The following AFDN variants were observed in gnomAD, a reference collection of about 807,000 sequenced individuals.
AFDN encodes afadin.
A neutral mutation model predicts 216.6 loss-of-function variants in AFDN; 68 were observed. The ratio of observed to expected loss-of-function variants is 0.31; its 90% CI spans 0.26 to 0.38. The LOEUF is 0.38. Among genes scored for constraint, AFDN ranks in the 10% least tolerant of loss-of-function variants. AFDN has a pLI of 1.00. For synonymous variants in AFDN, 868 were observed against 853.7 expected (o/e 1.02, Z -0.29); for missense variants, 2,136 against 2,342.0 (o/e 0.91, Z 1.82).
chr6:167,922,052 A>G (rs1791888554), intron 21 of AFDN, among the ~76,000 whole-genome samples: 2 of 152,182 alleles, frequency 1.3e-5, no homozygotes, highest in African/African-American at 2.4e-5. Context: ...GTCACACAGG[A>G]CGCTCTTGAT....
At chr6:167,932,796 G>T (rs956014506) in intron 23 of AFDN, 1 of 152,070 alleles carries the variant, frequency 6.6e-6, no homozygotes, top group Non-Finnish European at 1.5e-5. Flanking sequence ...CGGTGTTCTC[G>T]TGCTCACTGT....
chr6:167,827,153 C>A lies in AFDN; in HGVS notation c.21C>A (p.Asp7Glu). Residue 7 changes from aspartate (D) to glutamate (E), a missense_variant, in exon 1 of 34, where the codon GAC becomes GAA. By Grantham distance (45) the Asp-to-Glu change is conservative. Coordinates refer to ENST00000683244, the MANE Select transcript of AFDN (RefSeq NM_001386888.1). ...GGACCATGTCGGCGGGCGGCCGTGA[C>A]GAGGAGCGGCGGAAGCTGGCCGACA... MSAGGR[D>E]EERRKLADII... 1 of 1,295,712 alleles carries A rather than the reference C, an allele frequency of 7.7e-7. No individual in the cohort carries two copies. The highest frequency in any genetic ancestry group is 1.0e-6 in the Non-Finnish European group (1 of 993,368). The allele number at this position is 1,295,712 out of a possible 1,614,324, so 80.3% of individuals were successfully genotyped here.
chr6:167,957,984 C>A (rs1239364963), intron 30 of AFDN, among the ~76,000 whole-genome samples: 1 of 152,094 alleles, frequency 6.6e-6, no homozygotes, highest in African/African-American at 2.4e-5. Flanking sequence ...GGTCCCCAAA[C>A]CCACCATGGG....
intron 31 of AFDN, chr6:167,963,037 AAG>A: frequency 9.3e-7 from 1 of 1,075,654 alleles, no homozygotes; most frequent in Non-Finnish European, 1.1e-6. Flanking sequence ...GTTGATGGTA[AAG>A]AGAGCAGATG....
chr6:167,931,674 C>G (rs998320294), intron 23 of AFDN, among the ~76,000 whole-genome samples: 1 of 151,946 alleles, frequency 6.6e-6, no homozygotes, highest in African/African-American at 2.4e-5. Flanking sequence ...CGAGATAACA[C>G]TGTATAGTTG....
rs1797984889 is a variant in AFDN at position 167,970,999 on chromosome 6, GTTATT to G, written c.*1066_*1070del. 1 of 215,542 alleles carries G rather than the reference GTTATT, an allele frequency of 4.6e-6. No individual in the cohort carries two copies. The highest frequency in any genetic ancestry group is 1.9e-4 in the South Asian group (1 of 5,374). 13.4% of individuals were successfully genotyped at this position (215,542 alleles called of 1,614,324 possible). ...CAAGCTATTTTTATACTATAATAGA[GTTATT>G]TAATTTTAATTTGTTGAATTATTAG... On this transcript the variant is annotated 3_prime_UTR_variant, in exon 34 of 34. Coordinates refer to ENST00000683244, the MANE Select transcript of AFDN (RefSeq NM_001386888.1).
rs146182038 is a variant in AFDN, at chr6:167,841,703, C to T, written c.105+14466C>T. On this transcript the variant is annotated intron_variant, in intron 1 of 33. Coordinates refer to ENST00000683244, the MANE Select transcript of AFDN (RefSeq NM_001386888.1). ...TCTGTAAAGTTTCCTATTCTTTGATCATCTGTGATGTCCATAATATATCAG... is the reference window on the plus strand; with the variant it reads ...TCTGTAAAGTTTCCTATTCTTTGATTATCTGTGATGTCCATAATATATCAG... Among the ~76,000 whole-genome samples the T allele has an allele frequency of 3.9e-4, 59 of 152,244 alleles. 2 individuals carry two copies. In the East Asian group the frequency reaches 0.01, roughly 26 times the overall value.
intron 1 of AFDN, among the ~76,000 whole-genome samples, chr6:167,861,999 G>T (rs772691984): frequency 6.6e-6 from 1 of 152,208 alleles, no homozygotes; most frequent in Non-Finnish European, 1.5e-5. Context: ...GAATATTTTA[G>T]AGACTATTAG....
At chr6:167,966,539 C>T (rs1165704604) in intron 32 of AFDN, among the ~76,000 whole-genome samples, 1 of 152,216 alleles carries the variant, frequency 6.6e-6, no homozygotes, top group African/African-American at 2.4e-5. Context: ...GACAATCAGT[C>T]CTTCTCTGTT....
Position 167,918,738 on chromosome 6 carries a change from C to T in AFDN, c.2713C>T (p.Leu905Phe). Residue 905 changes from leucine to phenylalanine, a missense_variant, in exon 21 of 34, where the codon CTT becomes TTT. By Grantham distance (22) the Leu-to-Phe change is conservative (BLOSUM62 0). Transcript: ENST00000683244. The part of the protein sequence containing the change: ...APDEPFIPTD[L>F]IENVVTVAEN... The stretch of plus-strand genomic sequence containing the variant: ...TTTGCGTTTGTTTTCCAAACAGGAT[C>T]TTATAGAAAATGTAGTGACTGTGGC... 2 of 1,614,100 alleles carry T rather than the reference C, an allele frequency of 1.2e-6. No homozygotes were observed. Among genetic ancestry groups the T allele is most frequent in the Non-Finnish European group, 1.7e-6 (2 of 1,180,006 alleles).
chr6:167,948,786 A>T, intron 29 of AFDN, among the ~76,000 whole-genome samples: 1 of 152,242 alleles, frequency 6.6e-6, no homozygotes, highest in East Asian at 1.9e-4. Context: ...GCACTGTATC[A>T]GGAGCTATCC....
chr6:167,908,152 C>G (rs1040831153), intron 13 of AFDN, among the ~76,000 whole-genome samples: 2 of 152,232 alleles, frequency 1.3e-5, no homozygotes, highest in Admixed American at 1.3e-4. Context: ...CATTGTGTTT[C>G]CTTCAAAGAT....
intron 1 of AFDN, among the ~76,000 whole-genome samples, chr6:167,845,908 G>T (rs1193185001): frequency 6.6e-6 from 1 of 152,126 alleles, no homozygotes; most frequent in Admixed American, 6.6e-5. Context: ...AATCATGACG[G>T]AAGACAAAGG....
Position 167,918,751 on chromosome 6 carries a change from T to C in AFDN, c.2726T>C (p.Val909Ala), listed in dbSNP as rs757679993. Residue 909 changes from valine (V) to alanine (A), a missense_variant, in exon 21 of 34, where the codon GTA becomes GCA. By Grantham distance (64) the Val-to-Ala change is moderately conservative. Coordinates refer to ENST00000683244, the MANE Select transcript of AFDN (RefSeq NM_001386888.1). ...TCCAAACAGGATCTTATAGAAAATG[T>C]AGTGACTGTGGCTGAAAACACTGCC... Reference protein sequence around the residue: ...PFIPTDLIENVVTVAENTADE... With the variant: ...PFIPTDLIENAVTVAENTADE... 1.9e-6 allele frequency: 3 copies of C among 1,614,174 alleles called. No individual in the cohort carries two copies. The highest frequency in any genetic ancestry group is 2.2e-5 in the East Asian group (1 of 44,880).
At chr6:167,921,531 C>G (rs1791802625) in intron 21 of AFDN, among the ~76,000 whole-genome samples, 1 of 152,142 alleles carries the variant, frequency 6.6e-6, no homozygotes, top group South Asian at 2.1e-4. Context: ...TCCTTTGTTT[C>G]CTTCATACAA....
chr6:167,829,121 C>T lies in AFDN; in HGVS notation c.105+1884C>T, dbSNP rs572045328. Among the ~76,000 whole-genome samples, 122 of 152,134 alleles carry T rather than the reference C, an allele frequency of 8.0e-4. 1 individual carries two copies. The highest frequency in any genetic ancestry group is 2.9e-3 in the African/African-American group (119 of 41,534). ...TATATTTCATTTCCTAATTTTTCTC[C>T]CTACTTATATCTGAACATTTCCATT... On this transcript the variant is annotated intron_variant, in intron 1 of 33. Coordinates refer to ENST00000683244, the MANE Select transcript of AFDN (RefSeq NM_001386888.1).
chr6:167,866,413 G>A (rs1465171170), intron 2 of AFDN, among the ~76,000 whole-genome samples: 2 of 152,114 alleles, frequency 1.3e-5, no homozygotes, highest in East Asian at 3.9e-4. Flanking sequence ...AGAAACCTTA[G>A]CGTCTCAGTC....
chr6:167,907,793 T>TC (rs1789893707), intron 13 of AFDN, among the ~76,000 whole-genome samples: 1 of 152,082 alleles, frequency 6.6e-6, no homozygotes. Context: ...TTTTTTTTTT[T>TC]CTGACATTGT....
At chr6:167,891,419 G>GTGTGTGTGTA (rs1404328558) in intron 8 of AFDN, among the ~76,000 whole-genome samples, 1 of 149,668 alleles carries the variant, frequency 6.7e-6, no homozygotes, top group East Asian at 2.0e-4. Context: ...GTGTGTGTGT[G>GTGTGTGTGTA]TGTGTGTGTG....
Sources: allele counts gnomAD v4.1 joint callset (sites outside exome capture counted in the v4.1 genomes callset), GRCh38; gene constraint gnomAD v4.1.1; transcripts MANE v1.5; gene names NCBI Gene and HGNC (gene_info 2026-07-23, HGNC 2026-07-21).